The following SGCD variants were observed in gnomAD, a reference collection of about 807,000 sequenced individuals.
The protein encoded by SGCD is delta-sarcoglycan.
In SGCD, 18 loss-of-function variants were observed where a neutral mutation model predicts 36.6. The observed-to-expected ratio is 0.49, with a 90% CI of 0.34 to 0.73. The LOEUF (loss-of-function observed/expected upper bound fraction) is 0.73. Among genes scored for constraint, SGCD ranks in the 30% least tolerant of loss-of-function variants. The pLI, the probability that SGCD is intolerant of heterozygous loss-of-function variation, is 0.01. For synonymous variants in SGCD, 133 were observed against 130.6 expected, an observed-to-expected ratio of 1.02 and a Z score of -0.12; for missense variants, 387 against 346.7, an observed-to-expected ratio of 1.12 and a Z score of -0.92.
chr5:156,269,974 C>T (rs1419977687), intron 3 of SGCD, among the ~76,000 whole-genome samples: 2 of 152,158 alleles, frequency 1.3e-5, no homozygotes, highest in East Asian at 3.8e-4. Context: ...ATGAAAGTGC[C>T]TAGGTTGTCT....
chr5:156,587,531 C>T (rs1018209539), intron 4 of SGCD, among the ~76,000 whole-genome samples: 1 of 152,144 alleles, frequency 6.6e-6, no homozygotes, highest in Non-Finnish European at 1.5e-5. Flanking sequence ...TATTCCCTCC[C>T]CTTTCCTCCA....
chr5:156,506,764 A>G (rs1756718864), intron 3 of SGCD, among the ~76,000 whole-genome samples: 1 of 152,228 alleles, frequency 6.6e-6, no homozygotes, highest in African/African-American at 2.4e-5. Context: ...TAGGTGGAAG[A>G]TGTTAGATAG....
intron 1 of SGCD, among the ~76,000 whole-genome samples, chr5:155,890,517 A>C (rs1035180044): frequency 6.6e-6 from 1 of 152,022 alleles, no homozygotes; most frequent in Non-Finnish European, 1.5e-5. Flanking sequence ...GCTGAAGGGG[A>C]GGATTGCATG....
In SGCD at chr5:156,392,846, G is replaced by C. The variant is rs548533379; in HGVS notation, c.192+48169G>C. Among the ~76,000 whole-genome samples, 4 of 152,204 alleles carry C rather than the reference G, an allele frequency of 2.6e-5. No individual in the cohort carries two copies. In the South Asian group the frequency reaches 8.3e-4, roughly 32 times the overall value. On this transcript the variant is annotated intron_variant, in intron 3 of 8. Transcript: ENST00000337851. ...TGGTCGGTGGCCTGCCAGCATGCTG[G>C]TGCCTGTCAGTGCATTCCTCTCGAC...
intron 3 of SGCD, among the ~76,000 whole-genome samples, chr5:156,297,514 C>T (rs1453094157): frequency 6.6e-6 from 1 of 151,426 alleles, no homozygotes; most frequent in Non-Finnish European, 1.5e-5. Context: ...TGGAAATCAT[C>T]ATTCTCAGTA....
At chr5:156,272,137 A>C (rs1273039393) in intron 3 of SGCD, among the ~76,000 whole-genome samples, 1 of 152,102 alleles carries the variant, frequency 6.6e-6, no homozygotes, top group Non-Finnish European at 1.5e-5. Flanking sequence ...CACTGTACCC[A>C]ATATATTGTC....
At chr5:156,492,493 A>G (rs1265378195) in intron 3 of SGCD, among the ~76,000 whole-genome samples, 1 of 152,164 alleles carries the variant, frequency 6.6e-6, no homozygotes, top group Non-Finnish European at 1.5e-5. Flanking sequence ...CTACTCAAAG[A>G]CAGTCAGCTT....
intron 2 of SGCD, among the ~76,000 whole-genome samples, chr5:156,330,837 G>A (rs1026386842): frequency 6.6e-6 from 1 of 152,174 alleles, no homozygotes; most frequent in Non-Finnish European, 1.5e-5. Flanking sequence ...TGAGCTCAGG[G>A]TCTGCCTCAA....
intron 1 of SGCD, among the ~76,000 whole-genome samples, chr5:155,917,947 T>G (rs1756789454): frequency 6.6e-6 from 1 of 152,166 alleles, no homozygotes; most frequent in African/African-American, 2.4e-5. Context: ...ATGGTTTCAT[T>G]TACCCTGTTA....
chr5:156,450,003 G>T (rs1303000945), intron 3 of SGCD, among the ~76,000 whole-genome samples: 1 of 152,096 alleles, frequency 6.6e-6, no homozygotes, highest in Admixed American at 6.6e-5. Flanking sequence ...GCCAAAAGCT[G>T]CGTATTCTCA....
At chr5:155,817,781 G>A in the SGCD span, among the ~76,000 whole-genome samples, 3 of 152,064 alleles carry the variant, frequency 2.0e-5, no homozygotes, top group South Asian at 2.1e-4. Context: ...TGCTGTCTCC[G>A]GTTGAAACGG....
chr5:156,519,455 AC>A (rs1757316211), intron 4 of SGCD, among the ~76,000 whole-genome samples: 1 of 152,216 alleles, frequency 6.6e-6, no homozygotes. Flanking sequence ...AGAAGCTGGT[AC>A]CATTTCTTTT....
chr5:156,272,052 T>A (rs1766194756), intron 3 of SGCD, among the ~76,000 whole-genome samples: 1 of 152,174 alleles, frequency 6.6e-6, no homozygotes, highest in Non-Finnish European at 1.5e-5. Context: ...ATACAGGTGT[T>A]TTTTGGTTGA....
chr5:156,393,346 C>T (rs187871802), intron 3 of SGCD, among the ~76,000 whole-genome samples: 10 of 152,276 alleles, frequency 6.6e-5, no homozygotes, highest in Admixed American at 6.5e-4. Context: ...CTCACACTGG[C>T]TCATGAGAGC....
chr5:156,495,012 T>C (rs765276321), intron 3 of SGCD, among the ~76,000 whole-genome samples: 30 of 152,122 alleles, frequency 2.0e-4, no homozygotes, highest in Non-Finnish European at 4.1e-4. Context: ...TGTGATGCTC[T>C]GGGAAAAGTG....
chr5:156,657,775 A>G (rs928221371), intron 7 of SGCD, among the ~76,000 whole-genome samples: 2 of 149,888 alleles, frequency 1.3e-5, no homozygotes, highest in African/African-American at 4.9e-5. Context: ...TTTGGAAAAG[A>G]AAAAGACACA....
chr5:155,852,119 C>T, the SGCD span, among the ~76,000 whole-genome samples: 1 of 152,184 alleles, frequency 6.6e-6, no homozygotes, highest in Admixed American at 6.5e-5. Context: ...GCCTATTCCA[C>T]CTGTATGTCC....
intron 3 of SGCD, among the ~76,000 whole-genome samples, chr5:156,210,328 G>A (rs192622172): frequency 1.4e-4 from 21 of 152,220 alleles, no homozygotes; most frequent in Admixed American, 8.5e-4. Context: ...GGATAAAGCC[G>A]GTGTGTGAAG....
upstream of SGCD, among the ~76,000 whole-genome samples, chr5:156,324,960 C>T (rs527612565): frequency 2.0e-5 from 3 of 152,182 alleles, no homozygotes; most frequent in Admixed American, 2.0e-4. Flanking sequence ...TAGGACGTTG[C>T]CATTTCCAAA....
Sources: allele counts gnomAD v4.1 joint callset (sites outside exome capture counted in the v4.1 genomes callset), GRCh38; gene constraint gnomAD v4.1.1; transcripts MANE v1.5; gene names NCBI Gene and HGNC (gene_info 2026-07-23, HGNC 2026-07-21).